The following EML6 variants were observed in gnomAD, a reference collection of about 807,000 sequenced individuals.
EML6 encodes echinoderm microtubule-associated protein-like 6.
Under a neutral mutation model 240.1 loss-of-function variants are expected in EML6, and 154 were observed. The ratio of observed to expected loss-of-function variants is 0.64; its 90% CI spans 0.56 to 0.73. The LOEUF is 0.73. EML6 is among the 30% of genes least tolerant of loss of function. EML6 has a pLI of 0.00. For synonymous variants in EML6, 1,148 were observed against 899.0 expected, an observed-to-expected ratio of 1.28 and a Z score of -4.95; for missense variants, 2,964 against 2,474.6, an observed-to-expected ratio of 1.20 and a Z score of -4.20.
chr2:54,880,870 C>G (rs185352649), intron 17 of EML6: 1 of 152,296 alleles, frequency 6.6e-6, no homozygotes, highest in South Asian at 2.1e-4. Context: ...AACAGAAATG[C>G]AATTTTCCTG....
intron 30 of EML6, 80 bp downstream of exon 30, chr2:54,950,859 C>T: frequency 7.0e-7 from 1 of 1,423,482 alleles, no homozygotes; most frequent in Non-Finnish European, 9.5e-7. Flanking sequence ...TGCCCAAAAG[C>T]TTAAGCATTT....
At chr2:54,936,853 G>T (rs1329753219) in intron 28 of EML6, among the ~76,000 whole-genome samples, 1 of 151,974 alleles carries the variant, frequency 6.6e-6, no homozygotes. Flanking sequence ...CATAACTTAT[G>T]GCCAAAAGTC....
At chr2:54,757,814 G>A (rs1165226950) in intron 2 of EML6, among the ~76,000 whole-genome samples, 2 of 150,852 alleles carry the variant, frequency 1.3e-5, no homozygotes, top group East Asian at 1.9e-4. Context: ...TCCCACCCTC[G>A]CCCTGGTAGG....
chr2:54,859,245 G>A (rs1368128851), intron 11 of EML6, among the ~76,000 whole-genome samples: 1 of 152,106 alleles, frequency 6.6e-6, no homozygotes, highest in East Asian at 1.9e-4. Flanking sequence ...TTCATTCTCT[G>A]TCATTTATTT....
At chr2:54,961,004 T>G (rs185088728) in intron 35 of EML6, among the ~76,000 whole-genome samples, 1 of 151,994 alleles carries the variant, frequency 6.6e-6, no homozygotes, top group East Asian at 1.9e-4. Flanking sequence ...TTTTTAAATA[T>G]CAGTCTAAGA....
In EML6 at chr2:54,801,975, G is replaced by C. The variant is rs184463645; in HGVS notation, c.198-11257G>C. On this transcript the variant is annotated intron_variant, in intron 2 of 41. Coordinates refer to ENST00000356458, the MANE Select transcript of EML6 (RefSeq NM_001039753.4). ...CGTGACAGGAATTTTGTGCATGAAGGATGCCTGTGTTGTTGAATGTGTTCT... is the reference window on the plus strand; with the variant it reads ...CGTGACAGGAATTTTGTGCATGAAGCATGCCTGTGTTGTTGAATGTGTTCT... Among the ~76,000 whole-genome samples the C allele has an allele frequency of 3.3e-5, 5 of 152,276 alleles. No individual in the cohort carries two copies. In the East Asian group the frequency reaches 7.7e-4, roughly 24 times the overall value.
intron 14 of EML6, chr2:54,867,264 A>T (rs1217128146): frequency 1.3e-5 from 2 of 158,060 alleles, no homozygotes; most frequent in Non-Finnish European, 2.8e-5. Context: ...TATTTTCTTC[A>T]AATATTTTCT....
intron 17 of EML6, among the ~76,000 whole-genome samples, chr2:54,889,886 C>T (rs536988832): frequency 8.5e-5 from 13 of 152,252 alleles, no homozygotes; most frequent in African/African-American, 2.6e-4. Context: ...ACAAATATGA[C>T]GAATAAGCTA....
At chr2:54,948,826 G>A (rs906889432) in intron 28 of EML6, 56 bp from the exon 29 acceptor site, 2 of 1,392,056 alleles carry the variant, frequency 1.4e-6, no homozygotes, top group African/African-American at 1.4e-5. Flanking sequence ...CACCGGGAAG[G>A]CAGCCTTGCA....
Position 54,908,846 on chromosome 2 carries a change from C to T in EML6, c.3410-2108C>T, listed in dbSNP as rs72927859. Among the ~76,000 whole-genome samples, 527 of 152,190 alleles carry T rather than the reference C, an allele frequency of 3.5e-3. 3 individuals carry two copies. The highest frequency in any genetic ancestry group is 0.012 in the African/African-American group (513 of 41,516). Reference sequence around the variant, plus strand: ...TTACCCAGCCCAGTGTGAGCCTGGCCCCTCCAGGATCAACATCTGCCCGCA... The same window carrying T: ...TTACCCAGCCCAGTGTGAGCCTGGCTCCTCCAGGATCAACATCTGCCCGCA... On this transcript the variant is annotated intron_variant, in intron 24 of 41. Coordinates refer to ENST00000356458, the MANE Select transcript of EML6 (RefSeq NM_001039753.4).
intron 14 of EML6, 76 bp from the exon 15 acceptor site, chr2:54,869,105 C>T (rs977789944): frequency 1.9e-5 from 18 of 958,474 alleles, no homozygotes; most frequent in Non-Finnish European, 2.8e-5. Context: ...ATATGTTAGC[C>T]TTGCCTCTGA....
chr2:54,844,487 T>C (rs763537350), intron 8 of EML6, among the ~76,000 whole-genome samples: 1 of 152,252 alleles, frequency 6.6e-6, no homozygotes, highest in Admixed American at 6.5e-5. Context: ...ATACTGGTGA[T>C]GCTGGCTTCC....
intron 28 of EML6, among the ~76,000 whole-genome samples, chr2:54,943,416 C>T (rs749003511): frequency 7.3e-5 from 11 of 151,512 alleles, no homozygotes; most frequent in African/African-American, 2.7e-4. Flanking sequence ...CCCAGTTTCC[C>T]ACCTCCACCC....
intron 4 of EML6, among the ~76,000 whole-genome samples, chr2:54,819,912 C>T (rs1289371738): frequency 6.6e-6 from 1 of 152,100 alleles, no homozygotes; most frequent in Non-Finnish European, 1.5e-5. Context: ...ATAAATCCCT[C>T]TGCCTTACGT....
At chr2:54,808,722 G>A (rs1326425917) in intron 2 of EML6, among the ~76,000 whole-genome samples, 3 of 152,144 alleles carry the variant, frequency 2.0e-5, no homozygotes, top group Non-Finnish European at 2.9e-5. Context: ...TGTTGTTGTT[G>A]TTAAACTTCA....
chr2:54,897,108 C>G (rs1375910197), intron 21 of EML6, among the ~76,000 whole-genome samples: 2 of 152,072 alleles, frequency 1.3e-5, no homozygotes, highest in East Asian at 1.9e-4. Flanking sequence ...TTTTAATCTC[C>G]AAATGTTTGA....
intron 28 of EML6, among the ~76,000 whole-genome samples, chr2:54,941,843 G>A (rs746480357): frequency 3.9e-5 from 6 of 152,196 alleles, no homozygotes; most frequent in African/African-American, 7.2e-5. Context: ...CCACCCCTTC[G>A]TTCTGCAAGA....
intron 3 of EML6, among the ~76,000 whole-genome samples, chr2:54,813,935 CTCCTT>C (rs1452051741): frequency 6.6e-6 from 1 of 152,198 alleles, no homozygotes; most frequent in Non-Finnish European, 1.5e-5. Context: ...CTGACATCCT[CTCCTT>C]TCCATTCTTC....
chr2:54,761,579 G>T (rs551323912), intron 2 of EML6, among the ~76,000 whole-genome samples: 1 of 152,088 alleles, frequency 6.6e-6, no homozygotes, highest in African/African-American at 2.4e-5. Context: ...TTGCAATTTG[G>T]TCAAAAGTGA....
Sources: allele counts gnomAD v4.1 joint callset (sites outside exome capture counted in the v4.1 genomes callset), GRCh38; gene constraint gnomAD v4.1.1; transcripts MANE v1.5; gene names NCBI Gene and HGNC (gene_info 2026-07-23, HGNC 2026-07-21).